Variants in VPS13B observed in about 807,000 individuals in gnomAD.
The protein encoded by VPS13B is vacuolar protein sorting 13 homolog B.
A neutral mutation model predicts 426.4 loss-of-function variants in VPS13B; 285 were observed. The observed-to-expected ratio is 0.67, with a 90% CI of 0.61 to 0.74. The LOEUF is 0.74. Among genes scored for constraint, VPS13B ranks in the 30% least tolerant of loss-of-function variants. The pLI is 0.00. For synonymous variants in VPS13B, 1,676 were observed against 1,676.4 expected (o/e 1.00, Z 0.01); for missense variants, 4,537 against 4,782.6 (o/e 0.95, Z 1.51).
intron 23 of VPS13B, among the ~76,000 whole-genome samples, chr8:99,460,365 A>T (rs535716025): frequency 2.6e-5 from 4 of 152,292 alleles, no homozygotes; most frequent in African/African-American, 9.6e-5. Context: ...GTTCTAATTT[A>T]TATCTAATCT....
chr8:99,362,183 C>T (rs948292833), intron 19 of VPS13B, among the ~76,000 whole-genome samples: 3 of 145,704 alleles, frequency 2.1e-5, no homozygotes, highest in East Asian at 2.0e-4. Flanking sequence ...CGCTCTGTCG[C>T]CCAGGCTGGA....
Position 99,467,501 on chromosome 8 carries a change from C to T in VPS13B, c.3533C>T (p.Pro1178Leu). 1 of 1,613,742 alleles carries T rather than the reference C, an allele frequency of 6.2e-7. No homozygotes were observed. The highest frequency in any genetic ancestry group is 8.5e-7 in the Non-Finnish European group (1 of 1,179,802). The change falls in exon 24 of 62, where the codon CCT (proline) becomes CTT (leucine). Residue 1178 changes from proline (P) to leucine (L), a missense_variant. Around this residue, in one of 2 missense-constraint regions of VPS13B, gnomAD observed 4,311 missense variants for 4,474.3 expected, o/e 0.96. Transcript: ENST00000357162. ...GKQVTLCLVE[P>L]MGCTSTLAVT... Reference sequence around the variant, plus strand: ...CAAGTGACACTTTGCCTAGTGGAACCTATGGGTTGCACCTCCACTCTAGCT... The same window carrying T: ...CAAGTGACACTTTGCCTAGTGGAACTTATGGGTTGCACCTCCACTCTAGCT...
chr8:99,336,330 G>A (rs1319130190), intron 19 of VPS13B, among the ~76,000 whole-genome samples: 6 of 152,122 alleles, frequency 3.9e-5, no homozygotes, highest in African/African-American at 1.4e-4. Context: ...GCTGAAACTG[G>A]ATCCCTTCCT....
chr8:99,117,712 G>A (rs771349650), intron 7 of VPS13B, among the ~76,000 whole-genome samples: 3 of 152,196 alleles, frequency 2.0e-5, no homozygotes, highest in Non-Finnish European at 4.4e-5. Context: ...CATATGATAT[G>A]ATTCCATTAG....
At chr8:99,506,685 C>G (rs2133623386) in intron 27 of VPS13B, among the ~76,000 whole-genome samples, 1 of 152,046 alleles carries the variant, frequency 6.6e-6, no homozygotes, top group South Asian at 2.1e-4. Flanking sequence ...TGGCAAGACC[C>G]CATCACCACA....
chr8:99,179,604 T>C (rs1298005499), intron 16 of VPS13B, among the ~76,000 whole-genome samples: 2 of 152,240 alleles, frequency 1.3e-5, no homozygotes, highest in Non-Finnish European at 2.9e-5. Flanking sequence ...TAAAATATGC[T>C]TTAAAATATG....
intron 2 of VPS13B, among the ~76,000 whole-genome samples, chr8:99,018,068 T>A (rs1841708818): frequency 6.6e-6 from 1 of 152,208 alleles, no homozygotes; most frequent in Non-Finnish European, 1.5e-5. Context: ...TTTATGGATG[T>A]TTAAGTAGCA....
intron 3 of VPS13B, among the ~76,000 whole-genome samples, chr8:99,068,170 T>G (rs1005619264): frequency 3.3e-5 from 5 of 152,218 alleles, no homozygotes; most frequent in African/African-American, 9.6e-5. Context: ...CCTTTAGTCT[T>G]TCATTAGAAC....
At chr8:99,544,027 G>A (rs1416699052) in intron 30 of VPS13B, among the ~76,000 whole-genome samples, 7 of 145,480 alleles carry the variant, frequency 4.8e-5, no homozygotes, top group South Asian at 2.4e-4. Context: ...TGTTTATTGC[G>A]GCACTATTCA....
At chr8:99,104,830 G>A (rs1846958064) in intron 5 of VPS13B, among the ~76,000 whole-genome samples, 1 of 152,028 alleles carries the variant, frequency 6.6e-6, no homozygotes, top group Non-Finnish European at 1.5e-5. Flanking sequence ...TTGCCCTGTT[G>A]CCCAGGCTGG....
At chr8:99,499,247 A>G (rs897169939) in intron 25 of VPS13B, among the ~76,000 whole-genome samples, 5 of 152,118 alleles carry the variant, frequency 3.3e-5, no homozygotes, top group Non-Finnish European at 5.9e-5. Context: ...ATGCACAAAC[A>G]TGTTTAACAA....
intron 21 of VPS13B, among the ~76,000 whole-genome samples, chr8:99,421,503 A>G (rs1332443281): frequency 6.6e-6 from 1 of 152,138 alleles, no homozygotes; most frequent in East Asian, 1.9e-4. Flanking sequence ...CATAGTGGTT[A>G]CAAGGATGGA....
intron 28 of VPS13B, chr8:99,508,016 T>C: frequency 6.6e-7 from 1 of 1,523,326 alleles, no homozygotes. Flanking sequence ...TTTTCCTCCA[T>C]ATCATAAACT....
chr8:99,691,247 CTGTG>C (rs144300139), intron 35 of VPS13B, among the ~76,000 whole-genome samples: 149 of 146,948 alleles, frequency 1.0e-3, no homozygotes, highest in Non-Finnish European at 1.4e-3. Flanking sequence ...GTATGGGATA[CTGTG>C]TGTGTGTGTG....
chr8:99,443,055 A>T (rs1227083404), intron 23 of VPS13B, among the ~76,000 whole-genome samples: 1 of 152,084 alleles, frequency 6.6e-6, no homozygotes, highest in African/African-American at 2.4e-5. Context: ...GTATTTTTAG[A>T]TTCCTCATTT....
rs1057516245 is a variant in VPS13B at position 99,868,332 on chromosome 8, GA to G, written c.11263del (p.Thr3755HisfsTer98). On this transcript the variant is annotated frameshift_variant, in exon 59 of 62. Coordinates refer to ENST00000357162, the MANE Select transcript of VPS13B (RefSeq NM_152564.5). LOFTEE classifies it high-confidence loss of function. Reference protein sequence around the residue: ...IVDQPMQNFQKTSEAQASAGH... With the variant: ...IVDQPMQNFQXTSEAQASAGH... ...TTGATCAGCCGATGCAGAACTTCCA[GA>G]AAACATCTGAGGCACAGGCTTCAGC... is the stretch of plus-strand genomic sequence containing the variant. 28 of 1,614,036 alleles carry G rather than the reference GA, an allele frequency of 1.7e-5. No homozygotes were observed. Among genetic ancestry groups the G allele is most frequent in the Non-Finnish European group, 2.2e-5 (26 of 1,180,044 alleles).
chr8:99,872,817 T>C (rs564215389), intron 61 of VPS13B, among the ~76,000 whole-genome samples: 3 of 142,840 alleles, frequency 2.1e-5, no homozygotes, highest in South Asian at 4.2e-4. Flanking sequence ...TGGGGGCGTG[T>C]ATCTCCTTCA....
intron 22 of VPS13B, among the ~76,000 whole-genome samples, chr8:99,440,330 A>G (rs1817620260): frequency 6.6e-6 from 1 of 152,102 alleles, no homozygotes; most frequent in Non-Finnish European, 1.5e-5. Flanking sequence ...CCCCAGCTTG[A>G]GGACTTCTTA....
intron 31 of VPS13B, among the ~76,000 whole-genome samples, chr8:99,573,571 T>G (rs567160042): frequency 3.3e-5 from 5 of 152,306 alleles, no homozygotes; most frequent in African/African-American, 9.6e-5. Context: ...TTTCCCCATT[T>G]CTTGTTTTTG....
Sources: allele counts gnomAD v4.1 joint callset (sites outside exome capture counted in the v4.1 genomes callset), GRCh38; gene constraint gnomAD v4.1.1; regional missense constraint gnomAD v4.1.1; transcripts MANE v1.5; gene names NCBI Gene and HGNC (gene_info 2026-07-23, HGNC 2026-07-21).